The following PTPRM variants were observed in gnomAD, a reference collection of about 807,000 sequenced individuals.
The protein encoded by PTPRM is protein tyrosine phosphatase receptor type M.
A neutral mutation model predicts 186.7 loss-of-function variants in PTPRM; 47 were observed. That is an observed-to-expected ratio of 0.25 (90% CI 0.20 to 0.32). PTPRM has a LOEUF of 0.32. Ranked by LOEUF, PTPRM falls within the 10% of genes least tolerant of loss-of-function variation. PTPRM has a pLI of 1.00. For synonymous variants in PTPRM, 668 were observed against 674.9 expected (o/e 0.99, Z 0.16); for missense variants, 1,494 against 1,865.0 (o/e 0.80, Z 3.66).
intron 22 of PTPRM, among the ~76,000 whole-genome samples, chr18:8,327,240 G>A (rs1490658186): frequency 2.6e-5 from 4 of 152,186 alleles, no homozygotes; most frequent in African/African-American, 9.6e-5. Context: ...GGATCCAGAT[G>A]CCCAGTGTCA....
chr18:8,126,021 A>ATTTTT lies in PTPRM; in HGVS notation c.2167+11195_2167+11196insTTTTT, dbSNP rs1235933280. The stretch of plus-strand genomic sequence containing the variant: ...TATATATATATATATATATATATAT[A>ATTTTT]TATATATTTTAAATCAGTAGACCTT... On this transcript the variant is annotated intron_variant, in intron 13 of 32. Coordinates refer to ENST00000580170, the MANE Select transcript of PTPRM (RefSeq NM_001105244.2). Among the ~76,000 whole-genome samples, 308 of 37,516 alleles carry ATTTTT rather than the reference A, an allele frequency of 8.2e-3. 18 individuals are homozygous for ATTTTT. The highest frequency in any genetic ancestry group is 0.034 in the Middle Eastern group (2 of 58). The allele number at this position is 37,516 out of a possible 152,430, so 24.6% of individuals were successfully genotyped here.
At chr18:7,575,543 C>T (rs774112282) in intron 1 of PTPRM, among the ~76,000 whole-genome samples, 6 of 152,236 alleles carry the variant, frequency 3.9e-5, no homozygotes, top group Non-Finnish European at 7.3e-5. Context: ...TCACCTGCTA[C>T]AGTCTTACTC....
At chr18:8,391,489 G>A (rs1403234048) in intron 31 of PTPRM, among the ~76,000 whole-genome samples, 1 of 152,208 alleles carries the variant, frequency 6.6e-6, no homozygotes, top group African/African-American at 2.4e-5. Context: ...GCCAGTCTCA[G>A]AAGAAGACAT....
At chr18:8,024,467 C>T (rs1432987912) in intron 7 of PTPRM, among the ~76,000 whole-genome samples, 5 of 151,960 alleles carry the variant, frequency 3.3e-5, no homozygotes, top group East Asian at 3.9e-4. Context: ...AAGGTGACCA[C>T]GTAATTTGTC....
At chr18:8,093,111 A>G (rs2090835513) in intron 11 of PTPRM, among the ~76,000 whole-genome samples, 1 of 152,160 alleles carries the variant, frequency 6.6e-6, no homozygotes, top group Non-Finnish European at 1.5e-5. Flanking sequence ...AAGGTTATGA[A>G]GCATAAAGCA....
chr18:7,665,877 G>A (rs947829368), intron 1 of PTPRM, among the ~76,000 whole-genome samples: 4 of 151,788 alleles, frequency 2.6e-5, no homozygotes, highest in East Asian at 1.9e-4. Flanking sequence ...AGTTGGGATC[G>A]CGCCACTGCA....
At chr18:8,343,925 A>G (rs548018702) in intron 23 of PTPRM, among the ~76,000 whole-genome samples, 3 of 152,360 alleles carry the variant, frequency 2.0e-5, no homozygotes, top group African/African-American at 7.2e-5. Flanking sequence ...TTAGAATTCC[A>G]GCATCTTCTC....
At chr18:8,045,153 C>A (rs933593209) in intron 7 of PTPRM, among the ~76,000 whole-genome samples, 6 of 152,282 alleles carry the variant, frequency 3.9e-5, no homozygotes, top group African/African-American at 1.4e-4. Context: ...TTAAGACCAG[C>A]CTGGGCCACA....
At chr18:8,120,249 A>T (rs967046215) in intron 13 of PTPRM, among the ~76,000 whole-genome samples, 1 of 152,204 alleles carries the variant, frequency 6.6e-6, no homozygotes, top group Non-Finnish European at 1.5e-5. Flanking sequence ...CATGACTAAA[A>T]ATAATAGTTA....
At chr18:8,323,093 C>T (rs758363953) in intron 22 of PTPRM, among the ~76,000 whole-genome samples, 6 of 152,090 alleles carry the variant, frequency 3.9e-5, no homozygotes, top group Non-Finnish European at 8.8e-5. Flanking sequence ...CCTCCCAAAG[C>T]GCTGGGATTA....
intron 7 of PTPRM, among the ~76,000 whole-genome samples, chr18:8,034,310 A>G (rs1167011908): frequency 6.6e-6 from 1 of 152,116 alleles, no homozygotes; most frequent in Non-Finnish European, 1.5e-5. Context: ...TCAACCCACT[A>G]TAGTGTCAAA....
intron 1 of PTPRM, among the ~76,000 whole-genome samples, chr18:7,614,548 G>T (rs569907308): frequency 1.3e-5 from 2 of 152,278 alleles, no homozygotes; most frequent in East Asian, 3.9e-4. Context: ...AACTCTGAAG[G>T]ATTGTCTTTT....
chr18:7,903,823 C>A (rs184647236), intron 3 of PTPRM, among the ~76,000 whole-genome samples: 45 of 152,296 alleles, frequency 3.0e-4, no homozygotes, highest in African/African-American at 1.1e-3. Context: ...CCACTCTGGG[C>A]TCTGCTGATT....
intron 1 of PTPRM, among the ~76,000 whole-genome samples, chr18:7,608,071 T>A (rs1026261302): frequency 6.6e-6 from 1 of 152,180 alleles, no homozygotes; most frequent in African/African-American, 2.4e-5. Context: ...TCAGACAAGA[T>A]GCTGGGAAGG....
chr18:7,782,433 A>G (rs923087522), intron 2 of PTPRM, among the ~76,000 whole-genome samples: 2 of 152,220 alleles, frequency 1.3e-5, no homozygotes, highest in African/African-American at 4.8e-5. Flanking sequence ...AATGTAGTAG[A>G]ATATACATAG....
chr18:7,697,864 A>G (rs1262763644), intron 1 of PTPRM, among the ~76,000 whole-genome samples: 2 of 152,166 alleles, frequency 1.3e-5, no homozygotes, highest in African/African-American at 2.4e-5. Context: ...TTTTGATACA[A>G]TGGAAAAGAA....
At chr18:7,692,877 A>G (rs1050163050) in intron 1 of PTPRM, among the ~76,000 whole-genome samples, 1 of 152,224 alleles carries the variant, frequency 6.6e-6, no homozygotes, top group Non-Finnish European at 1.5e-5. Context: ...GAGATGGTAC[A>G]TTTATCCTTC....
At chr18:8,178,156 A>G (rs2093514180) in intron 14 of PTPRM, among the ~76,000 whole-genome samples, 1 of 152,158 alleles carries the variant, frequency 6.6e-6, no homozygotes, top group Admixed American at 6.5e-5. Context: ...ATGTGCCTAG[A>G]ATTAGAATAT....
intron 1 of PTPRM, among the ~76,000 whole-genome samples, chr18:7,642,725 G>A (rs541250420): frequency 2.6e-5 from 4 of 151,722 alleles, no homozygotes; most frequent in East Asian, 1.9e-4. Context: ...ATGTGGTCGC[G>A]CTAACGTTTA....
Sources: allele counts gnomAD v4.1 joint callset (sites outside exome capture counted in the v4.1 genomes callset), GRCh38; gene constraint gnomAD v4.1.1; transcripts MANE v1.5; gene names NCBI Gene and HGNC (gene_info 2026-07-23, HGNC 2026-07-21).